Variants in OTOP1 observed in about 807,000 individuals in gnomAD.
OTOP1 encodes the protein proton channel OTOP1.
OTOP1 carries 59 observed loss-of-function variants against 52.9 expected under a neutral mutation model. The ratio of observed to expected loss-of-function variants is 1.12; its 90% CI spans 0.91 to 1.39. The LOEUF is 1.39. OTOP1 is among the 40% of genes most tolerant of loss of function. The pLI, the probability that OTOP1 is intolerant of heterozygous loss-of-function variation, is 0.00. For synonymous variants in OTOP1, 317 were observed against 337.7 expected, an observed-to-expected ratio of 0.94 and a Z score of 0.67; for missense variants, 761 against 800.9, an observed-to-expected ratio of 0.95 and a Z score of 0.60.
In OTOP1 at chr4:4,226,485, T is replaced by G; in HGVS notation, c.380A>C (p.His127Pro). The stretch of plus-strand genomic sequence containing the variant: ...ACCGCGCAGCCAGCCGGCACCCGCG[T>G]GCGTGTCCTTGAGGCGGAAGAGGCG... ...HRRLFRLKDTHAGAGWLRGSI... is the reference protein window; with the variant it reads ...HRRLFRLKDTPAGAGWLRGSI... Residue 127 changes from histidine to proline, a missense_variant, in exon 1 of 6, where the codon CAC becomes CCC. By Grantham distance (77) the His-to-Pro change is moderately conservative. Coordinates refer to ENST00000296358, the MANE Select transcript of OTOP1 (RefSeq NM_177998.3). 6.4e-7 allele frequency: 1 copy of G among 1,552,426 alleles called. No homozygotes were observed. The highest frequency in any genetic ancestry group is 8.6e-7 in the Non-Finnish European group (1 of 1,157,358).
At chr4:4,196,212 AG>A (rs1230381029) in intron 5 of OTOP1, among the ~76,000 whole-genome samples, 1 of 152,126 alleles carries the variant, frequency 6.6e-6, no homozygotes, top group Non-Finnish European at 1.5e-5. Flanking sequence ...TGAGCCCAGG[AG>A]TTCAAGACAA....
chr4:4,190,320 A>G (rs561962642), intron 5 of OTOP1, among the ~76,000 whole-genome samples: 14 of 152,326 alleles, frequency 9.2e-5, no homozygotes, highest in Non-Finnish European at 8.8e-5. Flanking sequence ...TAAAAATACA[A>G]AAAATTAGCC....
intron 4 of OTOP1, among the ~76,000 whole-genome samples, chr4:4,200,695 G>T (rs2108798696): frequency 6.9e-6 from 1 of 144,588 alleles, no homozygotes; most frequent in African/African-American, 2.6e-5. Flanking sequence ...CTATAGCTGG[G>T]ACCACAAGCC....
chr4:4,219,505 TC>T (rs781095480), intron 1 of OTOP1, among the ~76,000 whole-genome samples: 2 of 151,708 alleles, frequency 1.3e-5, no homozygotes, highest in African/African-American at 2.4e-5. Context: ...ATCGAGACCA[TC>T]CTGGCCAACA....
chr4:4,190,384 G>C (rs564225143), intron 5 of OTOP1, among the ~76,000 whole-genome samples: 45 of 152,342 alleles, frequency 3.0e-4, no homozygotes, highest in African/African-American at 1.1e-3. Flanking sequence ...TGAGGCAGGA[G>C]AATCCCTTGA....
chr4:4,198,202 G>C, intron 4 of OTOP1, 99 bp from the exon 5 acceptor site: 1 of 976,960 alleles, frequency 1.0e-6, no homozygotes, highest in Non-Finnish European at 1.5e-6. Context: ...TCAGGCTTGG[G>C]TCTTCCCACT....
intron 4 of OTOP1, among the ~76,000 whole-genome samples, chr4:4,198,734 G>A (rs1210588386): frequency 6.6e-6 from 1 of 152,132 alleles, no homozygotes; most frequent in Non-Finnish European, 1.5e-5. Context: ...AAGAGAAGCT[G>A]GCTGCGGTAT....
chr4:4,219,022 T>C (rs1717212963), intron 1 of OTOP1, among the ~76,000 whole-genome samples: 3 of 152,032 alleles, frequency 2.0e-5, no homozygotes, highest in African/African-American at 7.2e-5. Context: ...CAATAAATTT[T>C]TCAAATGCTC....
chr4:4,220,236 A>G (rs1226868387), intron 1 of OTOP1, among the ~76,000 whole-genome samples: 1 of 150,920 alleles, frequency 6.6e-6, no homozygotes, highest in Non-Finnish European at 1.5e-5. Flanking sequence ...CCTGCTTTAT[A>G]TATTTAACTG....
intron 1 of OTOP1, among the ~76,000 whole-genome samples, chr4:4,220,094 TATATATATATA>T (rs1560211549): frequency 9.6e-5 from 10 of 103,738 alleles, no homozygotes; most frequent in African/African-American, 3.9e-4. Context: ...TATATATATA[TATATATATATA>T]TTTTTTTTTT....
intron 4 of OTOP1, among the ~76,000 whole-genome samples, chr4:4,199,233 TGAGAGAGA>T (rs71600542): frequency 0.11 from 10,744 of 98,258 alleles, 1,770 homozygotes; most frequent in East Asian, 0.32. Flanking sequence ...TGTGTGTGTG[TGAGAGAGA>T]GAGAGAGAGA....
At chr4:4,200,891 C>T (rs1162363567) in intron 4 of OTOP1, among the ~76,000 whole-genome samples, 1 of 152,108 alleles carries the variant, frequency 6.6e-6, no homozygotes, top group Admixed American at 6.6e-5. Context: ...TTCCCTAGCA[C>T]TTACAATTCA....
At chr4:4,191,970 T>C (rs867157086) in intron 5 of OTOP1, among the ~76,000 whole-genome samples, 1 of 152,206 alleles carries the variant, frequency 6.6e-6, no homozygotes, top group Non-Finnish European at 1.5e-5. Context: ...AAATGGGACC[T>C]CTTTTCTGAA....
intron 1 of OTOP1, among the ~76,000 whole-genome samples, chr4:4,215,608 C>T (rs978257147): frequency 1.1e-4 from 16 of 151,738 alleles, no homozygotes; most frequent in Admixed American, 3.9e-4. Context: ...TGCAGTGAGC[C>T]GAGATCGCAT....
intron 3 of OTOP1, among the ~76,000 whole-genome samples, chr4:4,203,513 C>T (rs1372267426): frequency 6.6e-6 from 1 of 152,212 alleles, no homozygotes; most frequent in Non-Finnish European, 1.5e-5. Flanking sequence ...CTTTGCCATG[C>T]TGCCTCCTAA....
intron 1 of OTOP1, among the ~76,000 whole-genome samples, chr4:4,223,549 A>T (rs1419670886): frequency 6.6e-6 from 1 of 152,122 alleles, no homozygotes; most frequent in East Asian, 1.9e-4. Flanking sequence ...ATAAGCACAG[A>T]CTGAGTAGAA....
At chr4:4,219,439 C>A (rs1481559932) in intron 1 of OTOP1, among the ~76,000 whole-genome samples, 2 of 152,068 alleles carry the variant, frequency 1.3e-5, no homozygotes, top group South Asian at 2.1e-4. Flanking sequence ...CGGTGGCTCA[C>A]GCCTGTAATC....
chr4:4,225,658 C>A (rs1000639505), intron 1 of OTOP1, among the ~76,000 whole-genome samples: 4 of 152,048 alleles, frequency 2.6e-5, no homozygotes, highest in Non-Finnish European at 4.4e-5. Context: ...CCAGCAGGAG[C>A]CTCTATCCCT....
intron 1 of OTOP1, among the ~76,000 whole-genome samples, chr4:4,219,713 A>C (rs1717234558): frequency 6.6e-6 from 1 of 150,944 alleles, no homozygotes. Context: ...AAAAAAAGAC[A>C]TACTGTATGA....
Sources: gnomAD v4.1 joint callset for allele counts (sites outside exome capture counted in the v4.1 genomes callset) on GRCh38, gnomAD v4.1.1 for gene constraint, MANE v1.5 for transcripts, NCBI Gene and HGNC (gene_info 2026-07-23, HGNC 2026-07-21) for gene names.